Variants in COBLL1 observed in about 807,000 individuals in gnomAD.
COBLL1 encodes the protein cordon-bleu WH2 repeat protein like 1.
In COBLL1, 50 loss-of-function variants were observed where a neutral mutation model predicts 94.8. The observed-to-expected ratio is 0.53, with a 90% CI of 0.42 to 0.67. The LOEUF is 0.67. Ranked by LOEUF, COBLL1 falls within the 30% of genes least tolerant of loss-of-function variation. COBLL1 has a pLI of 0.00. For missense variants in COBLL1, 1,362 were observed against 1,348.7 expected, an observed-to-expected ratio of 1.01 and a Z score of -0.15; for synonymous variants, 448 against 473.8, an observed-to-expected ratio of 0.95 and a Z score of 0.71.
rs1683829469 is a variant in COBLL1 at position 164,694,849 on chromosome 2, A to T, written c.2543T>A (p.Ile848Asn). The change falls in exon 12 of 14, where the codon ATT becomes AAT. Residue 848 changes from isoleucine (I) to asparagine (N), a missense_variant. Coordinates refer to ENST00000652658, the MANE Select transcript of COBLL1 (RefSeq NM_001365672.2). ...FAPNLEEINN[I>N]LESKFKSRAS... ...CCGAGATTTAAATTTTGATTCCAAA[A>T]TATTGTTTATTTCTTCCAAATTTGG... is the stretch of plus-strand genomic sequence containing the variant. 17 of 1,613,884 alleles carry T rather than the reference A, an allele frequency of 1.1e-5. No individual in the cohort carries two copies. The highest frequency in any genetic ancestry group is 1.4e-5 in the Non-Finnish European group (16 of 1,179,936).
rs3769876 is a variant in COBLL1 at position 164,712,863 on chromosome 2, T to G, written c.997-7758A>C. Among the ~76,000 whole-genome samples, 5 of 151,892 alleles carry G rather than the reference T, an allele frequency of 3.3e-5. No homozygotes were observed. The East Asian group carries it at 7.8e-4, about 24-fold the overall frequency. ...AGGAAAAAAATCACTAAATCCCAAA[T>G]AAAAGTCGCCTCATAGAAGTTTTGG... is the stretch of plus-strand genomic sequence containing the variant. On this transcript the variant is annotated intron_variant, in intron 7 of 13. Coordinates refer to ENST00000652658, the MANE Select transcript of COBLL1 (RefSeq NM_001365672.2).
chr2:164,691,627 C>G (rs1683597287), intron 13 of COBLL1, among the ~76,000 whole-genome samples: 1 of 152,148 alleles, frequency 6.6e-6, no homozygotes, highest in South Asian at 2.1e-4. Context: ...TTCCCTGTGA[C>G]ACTTGGGTGT....
upstream of COBLL1, chr2:164,841,871 G>A (rs142621843): frequency 0.021 from 21,854 of 1,022,904 alleles, 305 homozygotes; most frequent in South Asian, 0.029. This position sits in a 1 kb window ranked among gnomAD's most constrained non-coding sequence, Gnocchi z 5.5. Flanking sequence ...GGGCAGGGCC[G>A]ACTCAGCACC....
intron 5 of COBLL1, among the ~76,000 whole-genome samples, chr2:164,726,344 G>T (rs1685723967): frequency 6.6e-6 from 1 of 151,964 alleles, no homozygotes; most frequent in African/African-American, 2.4e-5. Context: ...GTTAAGGCTT[G>T]TTTTTTTAGT....
At chr2:164,735,163 G>T (rs1467490937) in intron 3 of COBLL1, among the ~76,000 whole-genome samples, 1 of 152,288 alleles carries the variant, frequency 6.6e-6, no homozygotes, top group East Asian at 1.9e-4. Flanking sequence ...CACCTGGCTA[G>T]GTCGCTGTTG....
At chr2:164,800,393 A>G (rs1683706601) in intron 2 of COBLL1, 3 of 524,376 alleles carry the variant, frequency 5.7e-6, no homozygotes, top group Non-Finnish European at 1.0e-5. Flanking sequence ...CATGTATTAG[A>G]ATGGCTAACA....
intron 1 of COBLL1, among the ~76,000 whole-genome samples, chr2:164,668,255 C>T (rs1691196166): frequency 2.0e-5 from 3 of 151,398 alleles, no homozygotes; most frequent in African/African-American, 4.9e-5. Flanking sequence ...TGAGCCACCA[C>T]GCCCAGCCTG....
Position 164,695,678 on chromosome 2 carries a change from T to C in COBLL1, c.1714A>G (p.Thr572Ala), listed in dbSNP as rs569020159. 7.4e-6 allele frequency: 12 copies of C among 1,613,904 alleles called. No homozygotes were observed. The South Asian group carries it at 1.2e-4, about 16-fold the overall frequency. The change falls in exon 12 of 14, where the codon ACT (threonine) becomes GCT (alanine). Residue 572 changes from threonine (T) to alanine (A), a missense_variant. Coordinates refer to ENST00000652658, the MANE Select transcript of COBLL1 (RefSeq NM_001365672.2). ...PSNSEAHETD[T>A]AISYKENHLA... ...TGGTTTTCCTTGTAACTTATAGCAG[T>C]ATCAGTTTCATGTGCCTCAGAGTTT...
chr2:164,805,363 A>ATATATATAT lies in COBLL1; in HGVS notation c.41+35792_41+35793insATATATATA, dbSNP rs1553480466. Among the ~76,000 whole-genome samples, 45 of 115,816 alleles carry ATATATATAT rather than the reference A, an allele frequency of 3.9e-4. 1 individual carries two copies. Among genetic ancestry groups the ATATATATAT allele is most frequent in the African/African-American group, 5.8e-4 (17 of 29,438 alleles). The allele number at this position is 115,816 out of a possible 152,430, so 76.0% of individuals were successfully genotyped here. On this transcript the variant is annotated intron_variant, in intron 2 of 13. Transcript: ENST00000652658. ...TATATATATATATATATATATATAT[A>ATATATATAT]AAACTAAAGTTCATAGTTTACATTA...
Position 164,684,758 on chromosome 2 carries a change from C to T in COBLL1, c.*1188G>A, listed in dbSNP as rs761457629. The T allele has an allele frequency of 7.9e-5, 12 of 151,912 alleles. No homozygotes were observed. Among genetic ancestry groups the T allele is most frequent in the Non-Finnish European group, 1.5e-4 (10 of 67,960 alleles). 9.4% of individuals were successfully genotyped at this position (151,912 alleles called of 1,614,324 possible). On this transcript the variant is annotated 3_prime_UTR_variant, in exon 14 of 14. Coordinates refer to ENST00000652658, the MANE Select transcript of COBLL1 (RefSeq NM_001365672.2). Reference sequence around the variant, plus strand: ...CACAAACTATATATTTTAAAAAGCACCCCAAATATACAACTTGCTTTTATT... The same window carrying T: ...CACAAACTATATATTTTAAAAAGCATCCCAAATATACAACTTGCTTTTATT...
intron 2 of COBLL1, among the ~76,000 whole-genome samples, chr2:164,805,367 C>CATATATA (rs1684094863): frequency 5.0e-5 from 2 of 40,228 alleles, no homozygotes; most frequent in Non-Finnish European, 9.7e-5. Context: ...ATATATAAAA[C>CATATATA]TAAAGTTCAT....
intron 6 of COBLL1, 39 bp downstream of exon 6, chr2:164,722,386 T>C: frequency 6.7e-7 from 1 of 1,501,506 alleles, no homozygotes; most frequent in Non-Finnish European, 9.0e-7. Context: ...TAAAAATAAT[T>C]GAAGAATCTT....
intron 2 of COBLL1, among the ~76,000 whole-genome samples, chr2:164,787,790 T>C (rs1682943203): frequency 6.6e-6 from 1 of 152,200 alleles, no homozygotes; most frequent in South Asian, 2.1e-4. Flanking sequence ...TCCCAACTTG[T>C]ATTTACTATA....
intron 2 of COBLL1, among the ~76,000 whole-genome samples, chr2:164,761,721 T>C (rs1303976167): frequency 1.3e-5 from 2 of 152,184 alleles, no homozygotes; most frequent in East Asian, 1.9e-4. Flanking sequence ...TTGTTCGATA[T>C]AATTCATGAA....
In COBLL1 at chr2:164,805,344, T is replaced by TGTATAAATATATATAA. The variant is rs1559033740; in HGVS notation, c.41+35811_41+35812insTTATATATATTTATAC. Among the ~76,000 whole-genome samples the TGTATAAATATATATAA allele has an allele frequency of 8.0e-5, 8 of 100,544 alleles. 1 individual carries two copies. Among genetic ancestry groups the TGTATAAATATATATAA allele is most frequent in the African/African-American group, 3.2e-4 (8 of 24,844 alleles). 66.0% of individuals were successfully genotyped at this position (100,544 alleles called of 152,430 possible). A position where few individuals can be genotyped will look rare whatever the true frequency, so the allele number is the denominator to read the frequency against. ...CTCTCTCTCTCTCTCTCTCTATATATATATATATATATATATATAAAACTA... is the reference window on the plus strand; with the variant it reads ...CTCTCTCTCTCTCTCTCTCTATATATGTATAAATATATATAAATATATATATATATATATAAAACTA... On this transcript the variant is annotated intron_variant, in intron 2 of 13. Transcript: ENST00000652658.
intron 2 of COBLL1, among the ~76,000 whole-genome samples, chr2:164,809,592 A>T (rs1286512340): frequency 6.6e-6 from 1 of 152,020 alleles, no homozygotes; most frequent in Non-Finnish European, 1.5e-5. Context: ...CAATGACAAG[A>T]AGATATTTAA....
At chr2:164,672,894 G>A (rs2105388417) in intron 1 of COBLL1, among the ~76,000 whole-genome samples, 1 of 152,150 alleles carries the variant, frequency 6.6e-6, no homozygotes, top group South Asian at 2.1e-4. Context: ...CTAGTAAATT[G>A]GTACATCCCC....
intron 2 of COBLL1, among the ~76,000 whole-genome samples, chr2:164,784,886 T>C (rs1015872244): frequency 6.6e-6 from 1 of 152,126 alleles, no homozygotes; most frequent in African/African-American, 2.4e-5. Context: ...GTGTCCTCCC[T>C]TTCTAAGTTG....
intron 2 of COBLL1, among the ~76,000 whole-genome samples, chr2:164,753,040 AAG>A (rs1218859381): frequency 6.6e-6 from 1 of 152,156 alleles, no homozygotes; most frequent in African/African-American, 2.4e-5. Flanking sequence ...ATTTGGTTGA[AAG>A]AGTCACATGG....
Sources: gnomAD v4.1 joint callset for allele counts (sites outside exome capture counted in the v4.1 genomes callset) on GRCh38, gnomAD v4.1.1 for gene constraint, Gnocchi (gnomAD v3.1) non-coding constraint, MANE v1.5 for transcripts, NCBI Gene and HGNC (gene_info 2026-07-23, HGNC 2026-07-21) for gene names.